NOL11: variants seen among roughly 807,000 people sequenced by gnomAD.
The protein encoded by NOL11 is nucleolar protein 11.
In NOL11, 42 loss-of-function variants were observed where a neutral mutation model predicts 93.0. The observed-to-expected ratio is 0.45, with a 90% confidence interval of 0.35 to 0.58. NOL11 has a LOEUF of 0.58. Among genes scored for constraint, NOL11 ranks in the 20% least tolerant of loss-of-function variants. The pLI is 0.00. For missense variants in NOL11, 775 were observed against 841.8 expected, an observed-to-expected ratio of 0.92 and a Z score of 0.98; for synonymous variants, 296 against 293.7, an observed-to-expected ratio of 1.01 and a Z score of -0.08.
rs1265271564 is a variant in NOL11, at chr17:67,739,431, AT to A, written c.1843-78del. ...TATTTGTTTGATGTATAAATTGAAC[AT>A]TTTTTTCAATCTTCGTGATGGGTTT... is the stretch of plus-strand genomic sequence containing the variant. On this transcript the variant is annotated intron_variant, in intron 15 of 17. Transcript: ENST00000253247. 5.1e-6 allele frequency: 4 copies of A among 780,964 alleles called. No homozygotes were observed. In the East Asian group the frequency reaches 8.2e-5, roughly 16 times the overall value. The allele number at this position is 780,964 out of a possible 1,614,324, so 48.4% of individuals were successfully genotyped here. A position where few individuals can be genotyped will look rare whatever the true frequency, so the allele number is the denominator to read the frequency against.
Position 67,737,610 on chromosome 17 carries a change from C to T in NOL11, c.1321C>T (p.Leu441=). The T allele has an allele frequency of 6.2e-7, 1 of 1,614,156 alleles. No individual in the cohort carries two copies. The highest frequency in any genetic ancestry group is 1.7e-5 in the Admixed American group (1 of 60,000). The change falls in exon 12 of 18, where the codon CTG becomes TTG. Residue 441 remains leucine, a synonymous_variant. Transcript: ENST00000253247. The stretch of plus-strand genomic sequence containing the variant: ...CATTGGGGACACAGTAACAGGACTT[C>T]TGGAAAGGTGTAAAGCAGAACCATC... ...TVIGDTVTGL[L]ERCKAEPSFY... is the part of the protein sequence containing the mutation.
chr17:67,721,892 C>T (rs2043220014), intron 4 of NOL11, among the ~76,000 whole-genome samples: 5 of 152,184 alleles, frequency 3.3e-5, no homozygotes, highest in Admixed American at 3.3e-4. Context: ...CCTCTGCTTT[C>T]CCAGATTCTG....
chr17:67,735,172 GT>G (rs529069852), intron 8 of NOL11, among the ~76,000 whole-genome samples: 112 of 152,240 alleles, frequency 7.4e-4, no homozygotes, highest in African/African-American at 2.6e-3. Context: ...TTCCTTGTGA[GT>G]TTTTTTCTCC....
Position 67,739,511 on chromosome 17 carries a change from C to G in NOL11, c.1843-5C>G, listed in dbSNP as rs754157587. 2 of 1,551,728 alleles carry G rather than the reference C, an allele frequency of 1.3e-6. No individual in the cohort carries two copies. Among genetic ancestry groups the G allele is most frequent in the Admixed American group, 2.1e-5 (1 of 47,270 alleles). Reference sequence around the variant, plus strand: ...GATAAACTATCCATTTTTTTTCCCACCCAGCTGTTTCTTAAGTATTTGTAT... The same window carrying G: ...GATAAACTATCCATTTTTTTTCCCAGCCAGCTGTTTCTTAAGTATTTGTAT... On this transcript the variant is annotated splice_region_variant and splice_polypyrimidine_tract_variant and intron_variant, in intron 15 of 17. Transcript: ENST00000253247.
At chr17:67,732,779 G>A (rs1287256403) in intron 7 of NOL11, among the ~76,000 whole-genome samples, 1 of 151,218 alleles carries the variant, frequency 6.6e-6, no homozygotes, top group East Asian at 2.1e-4. Flanking sequence ...TCACTGTGTT[G>A]CCCCGGCTGG....
chr17:67,722,735 A>G, intron 5 of NOL11, 98 bp downstream of exon 5: 1 of 1,412,204 alleles, frequency 7.1e-7, no homozygotes, highest in Non-Finnish European at 9.3e-7. Flanking sequence ...CCCAGGCTTG[A>G]GAGCAGTGGT....
At chr17:67,724,604 T>G (rs940761974) in intron 6 of NOL11, among the ~76,000 whole-genome samples, 1 of 152,176 alleles carries the variant, frequency 6.6e-6, no homozygotes, top group African/African-American at 2.4e-5. Context: ...AGCGCTGGGA[T>G]TACAGGTGTG....
In NOL11 at chr17:67,717,982, C is replaced by T. The variant is rs2043188106; in HGVS notation, c.35C>T (p.Ser12Leu). ...AALEEEFTLS[S>L]VVLSAGPEGL... Reference sequence around the variant, plus strand: ...CTGGAGGAAGAATTCACGTTGTCTTCGGTAGTCCTGAGCGCCGGGCCTGAA... The same window carrying T: ...CTGGAGGAAGAATTCACGTTGTCTTTGGTAGTCCTGAGCGCCGGGCCTGAA... The change falls in exon 1 of 18, where the codon TCG becomes TTG. Residue 12 changes from serine to leucine, a missense_variant. Around this residue, in one of 2 missense-constraint regions of NOL11, gnomAD observed 359 missense variants for 316.5 expected, o/e 1.13. Transcript: ENST00000253247. 6.2e-7 allele frequency: 1 copy of T among 1,614,068 alleles called. No homozygotes were observed. Among genetic ancestry groups the T allele is most frequent in the Admixed American group, 1.7e-5 (1 of 60,010 alleles).
intron 7 of NOL11, among the ~76,000 whole-genome samples, chr17:67,728,468 T>C (rs1599040089): frequency 6.6e-6 from 1 of 152,118 alleles, no homozygotes; most frequent in Non-Finnish European, 1.5e-5. Flanking sequence ...TGTTAAGCCA[T>C]GTACCCTGCC....
At chr17:67,728,773 A>T (rs895117361) in intron 7 of NOL11, among the ~76,000 whole-genome samples, 3 of 152,080 alleles carry the variant, frequency 2.0e-5, no homozygotes, top group Non-Finnish European at 4.4e-5. Flanking sequence ...ATTCCATATA[A>T]TATTATTTGT....
chr17:67,723,730 G>A (rs987430288), intron 5 of NOL11, among the ~76,000 whole-genome samples: 24 of 148,458 alleles, frequency 1.6e-4, no homozygotes, highest in East Asian at 3.9e-4. Context: ...TGGGTGTGGT[G>A]ACCTCATCTC....
chr17:67,728,104 C>T, intron 7 of NOL11, among the ~76,000 whole-genome samples: 1 of 151,614 alleles, frequency 6.6e-6, no homozygotes, highest in East Asian at 1.9e-4. Flanking sequence ...ACTAAAAATA[C>T]AAAAAATTAG....
In NOL11 at chr17:67,717,961, A is replaced by G. The variant is rs1599031774; in HGVS notation, c.14A>G (p.Glu5Gly). 1 of 1,614,190 alleles carries G rather than the reference A, an allele frequency of 6.2e-7. No individual in the cohort carries two copies. The highest frequency in any genetic ancestry group is 8.5e-7 in the Non-Finnish European group (1 of 1,180,030). Residue 5 changes from glutamate to glycine, a missense_variant, in exon 1 of 18, where the codon GAG becomes GGG. Physicochemically the swap from Glu to Gly is moderately conservative, Grantham distance 98 (BLOSUM62 -2). Around this residue, in one of 2 missense-constraint regions of NOL11, gnomAD observed 359 missense variants for 316.5 expected, o/e 1.13. Coordinates refer to ENST00000253247, the MANE Select transcript of NOL11 (RefSeq NM_015462.5). Reference protein sequence around the residue: MAALEEEFTLSSVVL... With the variant: MAALGEEFTLSSVVL... Reference sequence around the variant, plus strand: ...GGTTTGCTCAAAATGGCAGCGCTGGAGGAAGAATTCACGTTGTCTTCGGTA... The same window carrying G: ...GGTTTGCTCAAAATGGCAGCGCTGGGGGAAGAATTCACGTTGTCTTCGGTA...
At chr17:67,739,320 A>G (rs201130580) in intron 15 of NOL11, among the ~76,000 whole-genome samples, 196 bp from the exon 16 acceptor site, 1 of 152,200 alleles carries the variant, frequency 6.6e-6, no homozygotes, top group South Asian at 2.1e-4. Flanking sequence ...TGAGCTTATC[A>G]CCACCACTAC....
chr17:67,726,984 A>G (rs572869666), intron 7 of NOL11: 1 of 167,686 alleles, frequency 6.0e-6, no homozygotes, highest in South Asian at 1.8e-4. Flanking sequence ...TCTTGGCAAC[A>G]TTTCACATCA....
intron 7 of NOL11, among the ~76,000 whole-genome samples, chr17:67,728,449 G>A (rs1221796898): frequency 6.6e-6 from 1 of 152,040 alleles, no homozygotes; most frequent in Non-Finnish European, 1.5e-5. Flanking sequence ...AACCCGAACA[G>A]GTGAACTCTG....
chr17:67,735,485 C>CT (rs199800816), intron 8 of NOL11, among the ~76,000 whole-genome samples: 11 of 150,100 alleles, frequency 7.3e-5, no homozygotes, highest in South Asian at 2.1e-4. Context: ...TTCCCTCAGG[C>CT]TTTTTTTTCC....
Position 67,718,108 on chromosome 17 carries a change from G to A in NOL11, c.141+20G>A, listed in dbSNP as rs747864305. On this transcript the variant is annotated intron_variant, in intron 1 of 17. Transcript: ENST00000253247. ...TATAAGGTGAAGGCAATAGGTTTGG[G>A]AGCGCCCCGACTGCCTTCTCGCCCC... 2 of 1,606,700 alleles carry A rather than the reference G, an allele frequency of 1.2e-6. No homozygotes were observed.
At chr17:67,729,591 T>C (rs1382539980) in intron 7 of NOL11, among the ~76,000 whole-genome samples, 3 of 152,138 alleles carry the variant, frequency 2.0e-5, no homozygotes, top group Admixed American at 2.0e-4. Flanking sequence ...ATACTTTTTT[T>C]TTTTTGAGGC....
Sources: allele counts gnomAD v4.1 joint callset (sites outside exome capture counted in the v4.1 genomes callset), GRCh38; gene constraint gnomAD v4.1.1; regional missense constraint gnomAD v4.1.1; transcripts MANE v1.5; gene names NCBI Gene and HGNC (gene_info 2026-07-23, HGNC 2026-07-21).